Variants in FASN observed in about 807,000 individuals in gnomAD.
FASN encodes 3-hydroxyacyl-[acyl-carrier-protein] dehydratase.
In FASN, 50 loss-of-function variants were observed where a neutral mutation model predicts 250.0. That is an observed-to-expected ratio of 0.20 (90% CI 0.16 to 0.25). The LOEUF is 0.25. Ranked by LOEUF, FASN falls within the 10% of genes least tolerant of loss-of-function variation. The pLI is 1.00. For missense variants in FASN, 3,031 were observed against 3,498.5 expected (o/e 0.87, Z 3.37); for synonymous variants, 1,909 against 1,584.0 (o/e 1.21, Z -4.87).
At chr17:82,089,976 C>T (rs886109547) in intron 11 of FASN, among the ~76,000 whole-genome samples, 91 of 152,352 alleles carry the variant, frequency 6.0e-4, no homozygotes, top group African/African-American at 2.1e-3. Context: ...CAGTCCTCTG[C>T]AGCCAAGGTT....
intron 1 of FASN, 64 bp from the exon 2 acceptor site, chr17:82,096,516 G>A (rs938924074): frequency 1.9e-5 from 30 of 1,599,308 alleles, no homozygotes; most frequent in Admixed American, 1.3e-4. Flanking sequence ...CAACAGCCTC[G>A]GCACCCAGAA....
At position 82,078,666 on chromosome 17, in the gene FASN, G is replaced by A. The variant is rs919576263; in HGVS notation, c.*477C>T. 1.5e-4 allele frequency: 35 copies of A among 238,396 alleles called. No homozygotes were observed. In the South Asian group the frequency reaches 1.8e-3, roughly 12 times the overall value. 14.8% of individuals were successfully genotyped at this position (238,396 alleles called of 1,614,324 possible). A position where few individuals can be genotyped will look rare whatever the true frequency, so the allele number is the denominator to read the frequency against. ...ACTCAGCGGGCTGAGCCAATGCCTG[G>A]CCGAGAGGGGGCCGCAGCCAGCAGG... is the stretch of plus-strand genomic sequence containing the variant. On this transcript the variant is annotated 3_prime_UTR_variant, in exon 43 of 43. Coordinates refer to ENST00000306749, the MANE Select transcript of FASN (RefSeq NM_004104.5). The surrounding 1 kb of genome is among the most constrained non-coding windows in gnomAD (Gnocchi z 5.4).
At position 82,082,132 on chromosome 17, in the gene FASN, C is replaced by G. The variant is rs1177968112; in HGVS notation, c.6040G>C (p.Asp2014His). The change falls in exon 36 of 43, where the codon GAC (aspartate) becomes CAC (histidine). Residue 2014 changes from aspartate to histidine, a missense_variant. Transcript: ENST00000306749. Reference sequence around the variant, plus strand: ...ACAGAGGAGAAGACCACAAAGTAGTCCAGCTCAGGGCACGCCTCTCGGGTC... The same window carrying G: ...ACAGAGGAGAAGACCACAAAGTAGTGCAGCTCAGGGCACGCCTCTCGGGTC... ...RVTREACPEL[D>H]YFVVFSSVSC... The G allele has an allele frequency of 1.2e-6, 2 of 1,605,902 alleles. No individual in the cohort carries two copies. Among genetic ancestry groups the G allele is most frequent in the East Asian group, 2.2e-5 (1 of 44,894 alleles).
chr17:82,093,721 C>T lies in FASN; in HGVS notation c.331G>A (p.Val111Met), dbSNP rs145409565. 5.6e-6 allele frequency: 9 copies of T among 1,612,648 alleles called. No individual in the cohort carries two copies. Among genetic ancestry groups the T allele is most frequent in the South Asian group, 2.2e-5 (2 of 91,074 alleles). ...RGTHTGVWVG[V>M]SGSETSEALS... is the part of the protein sequence containing the mutation. The stretch of plus-strand genomic sequence containing the variant: ...GCCTCCGAGGTCTCAGAGCCGCTCA[C>T]GCCCACCCAGACGCCAGTGTGTGTT... The change falls in exon 4 of 43, where the codon GTG (valine) becomes ATG (methionine). Residue 111 changes from valine (V) to methionine (M), a missense_variant. Transcript: ENST00000306749.
Position 82,090,362 on chromosome 17 carries a change from C to A in FASN, c.1870+13G>T. On this transcript the variant is annotated intron_variant, in intron 11 of 42. Transcript: ENST00000306749. ...TTTCTTGGAGGTGCTGGGGGCCCCT[C>A]CGGGAGACCTACCCACGGCTGCCAT... The A allele has an allele frequency of 6.4e-7, 1 of 1,571,612 alleles. No individual in the cohort carries two copies.
rs959886261 is a variant in FASN at position 82,089,411 on chromosome 17, C to T, written c.1966-27G>A. 3.1e-6 allele frequency: 5 copies of T among 1,612,596 alleles called. No individual in the cohort carries two copies. The African/African-American group carries it at 5.3e-5, about 17-fold the overall frequency. ...TGGACATCGTGGGAGCCTGGATAAG[C>T]ATCCTGGCTGGGCACCCACCTCAGG... On this transcript the variant is annotated intron_variant, in intron 12 of 42. Transcript: ENST00000306749.
In FASN at chr17:82,083,539, G is replaced by A. The variant is rs759805514; in HGVS notation, c.5319C>T (p.Asp1773=). The A allele has an allele frequency of 1.9e-6, 3 of 1,612,868 alleles. No individual in the cohort carries two copies. The highest frequency in any genetic ancestry group is 1.1e-5 in the South Asian group (1 of 91,090). Residue 1773 remains aspartate, a synonymous_variant, in exon 31 of 43, where the codon GAC becomes GAT. Transcript: ENST00000306749. Reference sequence around the variant, plus strand: ...CACCGAGCGGGTGGTTCTGAGAAAGGTCGAATTTGCCAATTTCCAGGAAGC... The same window carrying A: ...CACCGAGCGGGTGGTTCTGAGAAAGATCGAATTTGCCAATTTCCAGGAAGC... ...HGRFLEIGKF[D]LSQNHPLGMA... is the part of the protein sequence containing the mutation.
At position 82,085,344 on chromosome 17, in the gene FASN, G is replaced by A; in HGVS notation, c.4181C>T (p.Ser1394Phe). The change falls in exon 24 of 43, where the codon TCC becomes TTC. Residue 1394 changes from serine to phenylalanine, a missense_variant. By Grantham distance (155) the Ser-to-Phe change is radical. Coordinates refer to ENST00000306749, the MANE Select transcript of FASN (RefSeq NM_004104.5). ...CAGGAAGAGCGTGGAGCCGTAGAAG[G>A]ACTTCTTCAGGCCCACCAGGCGCAG... ...VSLRLVGLKK[S>F]FYGSTLFLCR... The A allele has an allele frequency of 6.2e-7, 1 of 1,611,694 alleles. No individual in the cohort carries two copies. The highest frequency in any genetic ancestry group is 8.5e-7 in the Non-Finnish European group (1 of 1,179,614).
chr17:82,080,719 G>A lies in FASN; in HGVS notation c.6799C>T (p.Pro2267Ser). 1 of 1,599,316 alleles carries A rather than the reference G, an allele frequency of 6.3e-7. No individual in the cohort carries two copies. Among genetic ancestry groups the A allele is most frequent in the Non-Finnish European group, 8.5e-7 (1 of 1,174,216 alleles). Reference sequence around the variant, plus strand: ...CGGGTGCACTGCAGGCCATAGGTGGGGATGCTGAGCCGGGAGGCCAGGCTG... The same window carrying A: ...CGGGTGCACTGCAGGCCATAGGTGGAGATGCTGAGCCGGGAGGCCAGGCTG... ...FHSLASRLSI[P>S]TYGLQCTRAA... is the part of the protein sequence containing the mutation. The change falls in exon 39 of 43, where the codon CCC (proline) becomes TCC (serine). Residue 2267 changes from proline to serine, a missense_variant. By Grantham distance (74) the Pro-to-Ser change is moderately conservative (BLOSUM62 -1). Coordinates refer to ENST00000306749, the MANE Select transcript of FASN (RefSeq NM_004104.5).
In FASN at chr17:82,092,463, G is replaced by T; in HGVS notation, c.1021C>A (p.Leu341Met). Reference sequence around the variant, plus strand: ...AGCCCAGCCCCACCTACCTTGGCCAGGGCTGCCAGCCCCGAGGCTGGCTCC... The same window carrying T: ...AGCCCAGCCCCACCTACCTTGGCCATGGCTGCCAGCCCCGAGGCTGGCTCC... Reference protein sequence around the residue: ...HPEPASGLAALAKVLLSLEHG... With the variant: ...HPEPASGLAAMAKVLLSLEHG... The change falls in exon 8 of 43, where the codon CTG (leucine) becomes ATG (methionine). Residue 341 changes from leucine to methionine, a missense_variant. Transcript: ENST00000306749. 6.3e-7 allele frequency: 1 copy of T among 1,575,064 alleles called. No individual in the cohort carries two copies. The highest frequency in any genetic ancestry group is 8.6e-7 in the Non-Finnish European group (1 of 1,163,286).
At position 82,083,900 on chromosome 17, in the gene FASN, G is replaced by A. The variant is rs1346097678; in HGVS notation, c.5099-9C>T. 3 of 1,560,020 alleles carry A rather than the reference G, an allele frequency of 1.9e-6. No homozygotes were observed. Among genetic ancestry groups the A allele is most frequent in the African/African-American group, 1.3e-5 (1 of 74,116 alleles). On this transcript the variant is annotated splice_polypyrimidine_tract_variant and intron_variant, in intron 29 of 42. Coordinates refer to ENST00000306749, the MANE Select transcript of FASN (RefSeq NM_004104.5). ...CCGCTTCTCAGCCGACCCTGGTGAAGAGAGGAAGCGCGGCTGGTGAGCCAG... is the reference window on the plus strand; with the variant it reads ...CCGCTTCTCAGCCGACCCTGGTGAAAAGAGGAAGCGCGGCTGGTGAGCCAG...
Position 82,092,707 on chromosome 17 carries a change from G to T in FASN, c.884C>A (p.Thr295Lys). 1 of 1,593,504 alleles carries T rather than the reference G, an allele frequency of 6.3e-7. No individual in the cohort carries two copies. The highest frequency in any genetic ancestry group is 1.7e-5 in the Admixed American group (1 of 58,422). Reference protein sequence around the residue: ...ESFEYIEAHGTGTKVGDPQEL... With the variant: ...ESFEYIEAHGKGTKVGDPQEL... Reference sequence around the variant, plus strand: ...GGGGGGGGGCATCACCTTGGTGCCTGTGCCGTGGGCTTCGATGTATTCAAA... The same window carrying T: ...GGGGGGGGGCATCACCTTGGTGCCTTTGCCGTGGGCTTCGATGTATTCAAA... The change falls in exon 7 of 43, where the codon ACA becomes AAA. Residue 295 changes from threonine (T) to lysine (K), a missense_variant. By Grantham distance (78) the Thr-to-Lys change is moderately conservative. Transcript: ENST00000306749.
At chr17:82,089,906 T>C (rs988776727) in intron 11 of FASN, among the ~76,000 whole-genome samples, 180 bp from the exon 12 acceptor site, 1 of 152,138 alleles carries the variant, frequency 6.6e-6, no homozygotes, top group Admixed American at 6.5e-5. Flanking sequence ...GAGGTGTCAT[T>C]ACAGAGCTGC....
rs1003793095 is a variant in FASN, at chr17:82,081,662, A to G, written c.6345T>C (p.Ala2115=). 1.9e-6 allele frequency: 3 copies of G among 1,612,642 alleles called. No individual in the cohort carries two copies. Among genetic ancestry groups the G allele is most frequent in the Non-Finnish European group, 2.5e-6 (3 of 1,180,012 alleles). ...VLSSFVLAEK[A]AAYRDRDSQR... is the part of the protein sequence containing the mutation. ...GGCTGTCCCTGTCCCTATAGGCCGC[A>G]GCCTTCTCAGCCAGCACAAAGCTGC... Residue 2115 remains alanine, a synonymous_variant, in exon 37 of 43, where the codon GCT becomes GCC. Transcript: ENST00000306749.
rs373476713 is a variant in FASN at position 82,086,920 on chromosome 17, C to T, written c.3427+130G>A. 215 of 1,005,356 alleles carry T rather than the reference C, an allele frequency of 2.1e-4. 1 individual carries two copies. In the East Asian group the frequency reaches 3.8e-3, roughly 18 times the overall value. The allele number at this position is 1,005,356 out of a possible 1,614,324, so 62.3% of individuals were successfully genotyped here. The stretch of plus-strand genomic sequence containing the variant: ...GGAGGCCGCCATCGTGAGCTCCGGC[C>T]GGAGGGTTGGGCTAGGGTTGCTGAC... On this transcript the variant is annotated intron_variant, in intron 21 of 42. Transcript: ENST00000306749.
At position 82,091,424 on chromosome 17, in the gene FASN, G is replaced by A; in HGVS notation, c.1290C>T (p.Thr430=). 10 of 1,608,754 alleles carry A rather than the reference G, an allele frequency of 6.2e-6. No individual in the cohort carries two copies. Among genetic ancestry groups the A allele is most frequent in the Non-Finnish European group, 8.5e-6 (10 of 1,178,208 alleles). Residue 430 remains threonine, a synonymous_variant, in exon 9 of 43, where the codon ACC becomes ACT. Coordinates refer to ENST00000306749, the MANE Select transcript of FASN (RefSeq NM_004104.5). ...CCAGCAGCTTCTGCACGGCCTCAGG[G>A]GTGCGTCCGCTGGCCCGCAGCAGAC... ...LPRLLRASGR[T]PEAVQKLLEQ...
At position 82,088,429 on chromosome 17, in the gene FASN, T is replaced by C. The variant is rs1340939888; in HGVS notation, c.2554A>G (p.Asn852Asp). 4.3e-6 allele frequency: 7 copies of C among 1,611,736 alleles called. No individual in the cohort carries two copies. The highest frequency in any genetic ancestry group is 5.9e-6 in the Non-Finnish European group (7 of 1,179,314). Residue 852 changes from asparagine to aspartate, a missense_variant, in exon 16 of 43, where the codon AAC (asparagine) becomes GAC (aspartate). Asn to Asp is a conservative substitution (Grantham distance 23, BLOSUM62 1). Transcript: ENST00000306749. ...GCGGCTGAGGGGGAACCTGAACCGT[T>C]GGGGAAGTCCTCGGCGGCCGGCACG... ...WDVPAAEDFP[N>D]GSGSPSAAIY...
At chr17:82,094,638 A>T (rs1030223986) in intron 3 of FASN, among the ~76,000 whole-genome samples, 8 of 150,512 alleles carry the variant, frequency 5.3e-5, no homozygotes, top group African/African-American at 2.0e-4. Context: ...AAAATACAAA[A>T]ATTAGCCGGG....
chr17:82,084,191 G>T lies in FASN; in HGVS notation c.4920-38C>A. The T allele has an allele frequency of 1.9e-6, 3 of 1,608,086 alleles. No homozygotes were observed. In the Middle Eastern group the frequency reaches 5.0e-4, roughly 266 times the overall value. On this transcript the variant is annotated intron_variant, in intron 28 of 42. Coordinates refer to ENST00000306749, the MANE Select transcript of FASN (RefSeq NM_004104.5). ...CAGGTGGGTCAGCACAGGCCTGGCCGCCATCCACGTGGGGCCCAGGCTCAC... is the reference window on the plus strand; with the variant it reads ...CAGGTGGGTCAGCACAGGCCTGGCCTCCATCCACGTGGGGCCCAGGCTCAC...
Sources: allele counts gnomAD v4.1 joint callset (sites outside exome capture counted in the v4.1 genomes callset), GRCh38; gene constraint gnomAD v4.1.1; non-coding constraint Gnocchi (gnomAD v3.1); transcripts MANE v1.5; gene names NCBI Gene and HGNC (gene_info 2026-07-23, HGNC 2026-07-21).